Variants in DUS2 observed in about 807,000 individuals in gnomAD.
DUS2 encodes dihydrouridine synthase 2, also known as tRNA-dihydrouridine(20) synthase [NAD(P)+]-like.
A neutral mutation model predicts 71.3 loss-of-function variants in DUS2; 52 were observed. The ratio of observed to expected loss-of-function variants is 0.73; its 90% confidence interval spans 0.58 to 0.92. The LOEUF (loss-of-function observed/expected upper bound fraction) is 0.92, where lower values mean the gene tolerates loss of function less well. Among genes scored for constraint, DUS2 ranks in the 40% least tolerant of loss-of-function variants. The pLI, the probability that DUS2 is intolerant of heterozygous loss-of-function variation, is 0.00. For synonymous variants in DUS2, 204 were observed against 227.8 expected (o/e 0.90, Z 0.94); for missense variants, 558 against 622.6 (o/e 0.90, Z 1.10).
chr16:68,045,045 G>T (rs1394467998), intron 3 of DUS2, among the ~76,000 whole-genome samples: 2 of 152,094 alleles, frequency 1.3e-5, no homozygotes, highest in African/African-American at 4.8e-5. Flanking sequence ...CACCCAGCTC[G>T]GCCTCCCAAA....
In DUS2 at chr16:68,074,113, A is replaced by T. The variant is rs748752834; in HGVS notation, c.890A>T (p.Gln297Leu). 6.2e-7 allele frequency: 1 copy of T among 1,614,196 alleles called. No individual in the cohort carries two copies. ...CTACGAGAACAGCTGGAGTCGCCCCAGGGAAGGTTGCTCCATGCTGCCCAG... is the reference window on the plus strand; with the variant it reads ...CTACGAGAACAGCTGGAGTCGCCCCTGGGAAGGTTGCTCCATGCTGCCCAG... The part of the protein sequence containing the change: ...QMLREQLESP[Q>L]GRLLHAAQSS... The change falls in exon 13 of 17, where the codon CAG (glutamine) becomes CTG (leucine). Residue 297 changes from glutamine (Q) to leucine (L), a missense_variant. Coordinates refer to ENST00000565263, the MANE Select transcript of DUS2 (RefSeq NM_017803.5).
intron 5 of DUS2, 124 bp from the exon 6 acceptor site, chr16:68,054,450 C>A: frequency 1.8e-6 from 2 of 1,103,150 alleles, no homozygotes; most frequent in South Asian, 1.3e-5. Flanking sequence ...TAAGAGAAAG[C>A]CAGCCTGACT....
intron 3 of DUS2, among the ~76,000 whole-genome samples, chr16:68,042,017 C>A (rs1429049265): frequency 1.3e-5 from 2 of 152,004 alleles, no homozygotes; most frequent in Non-Finnish European, 2.9e-5. Flanking sequence ...ACAGCAATTC[C>A]CCAGTTCCCC....
intron 2 of DUS2, among the ~76,000 whole-genome samples, chr16:68,030,008 A>G (rs1450478705): frequency 1.3e-5 from 2 of 150,410 alleles, no homozygotes; most frequent in East Asian, 2.1e-4. Flanking sequence ...AGCCTCCCAA[A>G]GTGCTGGGAT....
Position 68,075,466 on chromosome 16 carries a change from T to C in DUS2, c.1044T>C (p.Asp348=). Residue 348 remains aspartate, a synonymous_variant, in exon 14 of 17, where the codon GAT becomes GAC. Transcript: ENST00000565263. ...AGCAGACAGGGGAGCCAGCTGAAGATACCTCTGGTGTCATTAAGATGGCTG... is the reference window on the plus strand; with the variant it reads ...AGCAGACAGGGGAGCCAGCTGAAGACACCTCTGGTGTCATTAAGATGGCTG... ...TSEQTGEPAE[D]TSGVIKMAVK... is the part of the protein sequence containing the mutation. 6.2e-7 allele frequency: 1 copy of C among 1,613,856 alleles called. No homozygotes were observed. The highest frequency in any genetic ancestry group is 2.2e-5 in the East Asian group (1 of 44,884).
intron 2 of DUS2, among the ~76,000 whole-genome samples, chr16:68,028,036 G>A (rs932396799): frequency 6.6e-6 from 1 of 152,198 alleles, no homozygotes; most frequent in East Asian, 1.9e-4. Context: ...GTTAAAGAGT[G>A]TAGACTTAAT....
chr16:68,062,882 C>T (rs1449692739), intron 8 of DUS2, among the ~76,000 whole-genome samples: 1 of 152,096 alleles, frequency 6.6e-6, no homozygotes, highest in Admixed American at 6.5e-5. Context: ...CAATAGGCAC[C>T]TCAACTTGGA....
intron 8 of DUS2, 25 bp downstream of exon 8, chr16:68,061,138 G>C: frequency 1.9e-6 from 3 of 1,613,282 alleles, no homozygotes; most frequent in Non-Finnish European, 2.5e-6. Context: ...AGTGAAAGCA[G>C]GGGTCCTCAA....
chr16:68,053,394 T>C (rs2033808077), intron 4 of DUS2, among the ~76,000 whole-genome samples, 170 bp from the exon 5 acceptor site: 1 of 152,234 alleles, frequency 6.6e-6, no homozygotes, highest in Admixed American at 6.5e-5. Context: ...ACCATCCTCA[T>C]CATCACAGAA....
At chr16:68,048,911 T>C (rs2033740808) in intron 3 of DUS2, among the ~76,000 whole-genome samples, 1 of 152,202 alleles carries the variant, frequency 6.6e-6, no homozygotes, top group Non-Finnish European at 1.5e-5. Flanking sequence ...CTTCCATTTA[T>C]GATGTGATTT....
chr16:68,046,858 T>C (rs565903593), intron 3 of DUS2, among the ~76,000 whole-genome samples: 11 of 152,058 alleles, frequency 7.2e-5, no homozygotes, highest in African/African-American at 2.4e-4. Flanking sequence ...GCCATTCTCC[T>C]GCCTCAGCCT....
At chr16:68,054,734 T>G (rs2033827356) in intron 6 of DUS2, 117 bp downstream of exon 6, 1 of 1,260,222 alleles carries the variant, frequency 7.9e-7, no homozygotes, top group South Asian at 1.2e-5. Context: ...CATTACCTTC[T>G]GTTTCCAGGT....
intron 13 of DUS2, among the ~76,000 whole-genome samples, chr16:68,075,097 T>G (rs1598320735): frequency 6.6e-6 from 1 of 152,182 alleles, no homozygotes; most frequent in African/African-American, 2.4e-5. Flanking sequence ...CTGCAGGTGG[T>G]GGGGGTGACC....
chr16:68,070,080 G>T, intron 10 of DUS2, 54 bp from the exon 11 acceptor site: 1 of 1,512,904 alleles, frequency 6.6e-7, no homozygotes, highest in Non-Finnish European at 9.2e-7. Flanking sequence ...CCCTGTGTGA[G>T]TGGTGTCGTG....
At chr16:68,032,084 G>A (rs1227019902) in intron 2 of DUS2, among the ~76,000 whole-genome samples, 1 of 152,216 alleles carries the variant, frequency 6.6e-6, no homozygotes, top group Non-Finnish European at 1.5e-5. Context: ...GACTAAAGTG[G>A]TGATGTGGGT....
chr16:68,030,808 T>G (rs1406001506), intron 2 of DUS2, among the ~76,000 whole-genome samples: 1 of 151,976 alleles, frequency 6.6e-6, no homozygotes, highest in East Asian at 1.9e-4. Flanking sequence ...CATGGCTCAC[T>G]GCTGCATCGA....
At chr16:68,049,627 G>A in intron 4 of DUS2, 77 bp downstream of exon 4, 1 of 1,381,808 alleles carries the variant, frequency 7.2e-7, no homozygotes, top group Admixed American at 1.7e-5. Context: ...CCTTGCCTGG[G>A]GTGACAGTGT....
At chr16:68,031,631 T>G (rs1484283094) in intron 2 of DUS2, among the ~76,000 whole-genome samples, 1 of 151,066 alleles carries the variant, frequency 6.6e-6, no homozygotes, top group Non-Finnish European at 1.5e-5. Flanking sequence ...GGAGGTATTT[T>G]TCTTTAATGT....
intron 12 of DUS2, among the ~76,000 whole-genome samples, chr16:68,073,082 C>T (rs188123501): frequency 1.5e-4 from 23 of 152,228 alleles, no homozygotes. Flanking sequence ...CCCTCCCTTC[C>T]CTGGAAGATA....
Sources: allele counts gnomAD v4.1 joint callset (sites outside exome capture counted in the v4.1 genomes callset), GRCh38; gene constraint gnomAD v4.1.1; transcripts MANE v1.5; gene names NCBI Gene and HGNC (gene_info 2026-07-23, HGNC 2026-07-21).